Variants in LRRC26 observed in about 807,000 individuals in gnomAD.
LRRC26 encodes the protein leucine-rich repeat-containing protein 26.
A neutral mutation model predicts 15.3 loss-of-function variants in LRRC26; 17 were observed. The ratio of observed to expected loss-of-function variants is 1.11; its 90% CI spans 0.76 to 1.66. The LOEUF (loss-of-function observed/expected upper bound fraction) is 1.66, where lower values mean the gene tolerates loss of function less well. Ranked by LOEUF, LRRC26 falls within the 40% of genes most tolerant of loss-of-function variation. The probability of loss-of-function intolerance (pLI) is 0.00; values close to 1 mark genes in which losing one functional copy is unlikely to be tolerated. For synonymous variants in LRRC26, 301 were observed against 272.1 expected (o/e 1.11, Z -1.05); for missense variants, 573 against 501.0 (o/e 1.14, Z -1.37).
chr9:137,169,385 G>A lies in LRRC26; in HGVS notation c.559C>T (p.Leu187=). The A allele has an allele frequency of 1.3e-6, 2 of 1,494,982 alleles. No individual in the cohort carries two copies. The highest frequency in any genetic ancestry group is 2.8e-5 in the East Asian group (1 of 35,692). The allele number at this position is 1,494,982 out of a possible 1,614,324, so 92.6% of individuals were successfully genotyped here. ...GCGTCTAGAGCGGGCAGGCGGCCCA[G>A]CAGCCCCGGCGCGAGTGCCGCCAGC... ...NELAALAPGL[L]GRLPALDALH... is the part of the protein sequence containing the mutation. The change falls in exon 1 of 2, where the codon CTG becomes TTG. Residue 187 remains leucine (L), a synonymous_variant. Transcript: ENST00000371542.
In LRRC26 at chr9:137,169,531, G is replaced by A. The variant is rs1465823490; in HGVS notation, c.413C>T (p.Thr138Ile). Residue 138 changes from threonine (T) to isoleucine (I), a missense_variant, in exon 1 of 2, where the codon ACT (threonine) becomes ATT (isoleucine). Thr to Ile is a moderately conservative substitution (Grantham distance 89, BLOSUM62 -1). Coordinates refer to ENST00000371542, the MANE Select transcript of LRRC26 (RefSeq NM_001013653.3). ...ANQLEALAPG[T>I]FAPLRALRNL... ...GCGCAGCGCGCGCAGCGGCGCGAAA[G>A]TCCCTGGTGCCAGTGCTTCCAGCTG... The A allele has an allele frequency of 6.6e-7, 1 of 1,524,142 alleles. No homozygotes were observed. The highest frequency in any genetic ancestry group is 2.0e-5 in the Admixed American group (1 of 50,390). 94.4% of individuals were successfully genotyped at this position (1,524,142 alleles called of 1,614,324 possible).
rs1311248831 is a variant in LRRC26 at position 137,169,815 on chromosome 9, G to A, written c.129C>T (p.Cys43=). ...SPSGSLGAPD[C]PEVCTCVPGG... ...CCGGCACGCACGTGCACACCTCGGG[G>A]CAGTCCGGGGCGCCCAGGGACCCCG... is the stretch of plus-strand genomic sequence containing the variant. The change falls in exon 1 of 2, where the codon TGC becomes TGT. Residue 43 remains cysteine, a synonymous_variant. Transcript: ENST00000371542. The A allele has an allele frequency of 5.6e-6, 8 of 1,431,094 alleles. No homozygotes were observed. The highest frequency in any genetic ancestry group is 1.5e-5 in the African/African-American group (1 of 66,250). 88.6% of individuals were successfully genotyped at this position (1,431,094 alleles called of 1,614,324 possible).
rs1834052376 is a variant in LRRC26, at chr9:137,169,765, A to G, written c.179T>C (p.Leu60Pro). The G allele has an allele frequency of 7.2e-7, 1 of 1,395,200 alleles. No homozygotes were observed. The highest frequency in any genetic ancestry group is 1.6e-5 in the South Asian group (1 of 62,508). The allele number at this position is 1,395,200 out of a possible 1,614,324, so 86.4% of individuals were successfully genotyped here. A position where few individuals can be genotyped will look rare whatever the true frequency, so the allele number is the denominator to read the frequency against. Residue 60 changes from leucine (L) to proline (P), a missense_variant, in exon 1 of 2, where the codon CTC becomes CCC. Transcript: ENST00000371542. ...VPGGLASCSA[L>P]SLPAVPPGLS... ...GCCCGGGGGCACGGCGGGCAGCGAG[A>G]GTGCCGAGCAGCTGGCCAGGCCTCC... is the stretch of plus-strand genomic sequence containing the variant.
In LRRC26 at chr9:137,169,953, C is replaced by A. The variant is rs754541883; in HGVS notation, c.-10G>T. ...AGGAAGGGCCCCGCATGGGGGCAGC[C>A]CCCCCGCCCCCGGCACCCGCGGTGG... On this transcript the variant is annotated 5_prime_UTR_variant, in exon 1 of 2. Transcript: ENST00000371542. 9.2e-6 allele frequency: 13 copies of A among 1,406,592 alleles called. No homozygotes were observed. The highest frequency in any genetic ancestry group is 1.1e-5 in the Non-Finnish European group (12 of 1,093,048). The allele number at this position is 1,406,592 out of a possible 1,614,324, so 87.1% of individuals were successfully genotyped here.
In LRRC26 at chr9:137,169,180, C is replaced by T; in HGVS notation, c.679G>A (p.Glu227Lys). The T allele has an allele frequency of 6.7e-7, 1 of 1,495,948 alleles. No homozygotes were observed. The highest frequency in any genetic ancestry group is 8.9e-7 in the Non-Finnish European group (1 of 1,128,148). 92.7% of individuals were successfully genotyped at this position (1,495,948 alleles called of 1,614,324 possible). ...CCCGGCCACACGCAGAGCACCGTCTCGGCCTCTGTGGGACACAGACAAAGG... is the reference window on the plus strand; with the variant it reads ...CCCGGCCACACGCAGAGCACCGTCTTGGCCTCTGTGGGACACAGACAAAGG... ...RRHPLPASEAETVLCVWPGRL... is the reference protein window; with the variant it reads ...RRHPLPASEAKTVLCVWPGRL... The change falls in exon 2 of 2, where the codon GAG becomes AAG. Residue 227 changes from glutamate to lysine, a missense_variant. Coordinates refer to ENST00000371542, the MANE Select transcript of LRRC26 (RefSeq NM_001013653.3).
rs1314348995 is a variant in LRRC26, at chr9:137,169,885, GACAGCAGCAGCA to G, written c.47_58del (p.Leu16_Leu19del). ...CACCTGGGCCCAGACAGGCCAAGGC[GACAGCAGCAGCA>G]ACAGCAGCAGCAGCGGCCGAGGCCG... On this transcript the variant is annotated inframe_deletion, in exon 1 of 2. Coordinates refer to ENST00000371542, the MANE Select transcript of LRRC26 (RefSeq NM_001013653.3). 2.7e-6 allele frequency: 4 copies of G among 1,481,382 alleles called. No homozygotes were observed. Among genetic ancestry groups the G allele is most frequent in the African/African-American group, 2.9e-5 (2 of 67,824 alleles). The allele number at this position is 1,481,382 out of a possible 1,614,324, so 91.8% of individuals were successfully genotyped here. A position where few individuals can be genotyped will look rare whatever the true frequency, so the allele number is the denominator to read the frequency against.
chr9:137,169,246 C>T (rs1443002670), intron 1 of LRRC26, 25 bp downstream of exon 1: 1 of 1,374,824 alleles, frequency 7.3e-7, no homozygotes, highest in East Asian at 3.0e-5. Context: ...CCTGCAGACC[C>T]CGACCCGCGT....
rs774586909 is a variant in LRRC26, at chr9:137,169,157, C to T, written c.702G>A (p.Pro234=). Residue 234 remains proline, a synonymous_variant, in exon 2 of 2, where the codon CCG becomes CCA. Transcript: ENST00000371542. ...SEAETVLCVW[P]GRLTLSPLTA... is the part of the protein sequence containing the mutation. ...TCAGGGGGCTGAGCGTCAGGCGTCC[C>T]GGCCACACGCAGAGCACCGTCTCGG... is the stretch of plus-strand genomic sequence containing the variant. 24 of 1,528,450 alleles carry T rather than the reference C, an allele frequency of 1.6e-5. No individual in the cohort carries two copies. The highest frequency in any genetic ancestry group is 8.7e-7 in the Non-Finnish European group (1 of 1,144,590). 94.7% of individuals were successfully genotyped at this position (1,528,450 alleles called of 1,614,324 possible).
Sources: allele counts gnomAD v4.1 joint callset, GRCh38; gene constraint gnomAD v4.1.1; transcripts MANE v1.5; gene names NCBI Gene and HGNC (gene_info 2026-07-23, HGNC 2026-07-21).